C2CD3: variants seen among roughly 807,000 people sequenced by gnomAD.
The protein encoded by C2CD3 is C2 domain containing 3 centriole elongation regulator, also known as C2 domain-containing protein 3.
C2CD3 carries 148 observed loss-of-function variants against 234.0 expected under a neutral mutation model. That is an observed-to-expected ratio of 0.63 (90% confidence interval 0.55 to 0.72). The LOEUF (loss-of-function observed/expected upper bound fraction) is 0.72. Among genes scored for constraint, C2CD3 ranks in the 30% least tolerant of loss-of-function variants. The probability of loss-of-function intolerance (pLI) is 0.00; values close to 1 mark genes in which losing one functional copy is unlikely to be tolerated. For missense variants in C2CD3, 2,577 were observed against 2,811.5 expected (o/e 0.92, Z 1.89); for synonymous variants, 1,000 against 1,035.4 (o/e 0.97, Z 0.66).
intron 24 of C2CD3, among the ~76,000 whole-genome samples, chr11:74,065,075 A>AGTT (rs1954447149): frequency 1.3e-5 from 2 of 152,228 alleles, no homozygotes; most frequent in Non-Finnish European, 2.9e-5. Flanking sequence ...GATCTAATTA[A>AGTT]ACTAAAGAGC....
chr11:74,098,611 T>C (rs917579148), intron 15 of C2CD3, among the ~76,000 whole-genome samples: 1 of 152,174 alleles, frequency 6.6e-6, no homozygotes, highest in Non-Finnish European at 1.5e-5. Context: ...CTTTGGTGTC[T>C]GACAGATAAG....
intron 3 of C2CD3, among the ~76,000 whole-genome samples, chr11:74,142,785 T>C (rs181814234): frequency 6.6e-6 from 1 of 152,250 alleles, no homozygotes; most frequent in Non-Finnish European, 1.5e-5. Context: ...CAAGAGACCA[T>C]CTACTTTAAC....
intron 24 of C2CD3, among the ~76,000 whole-genome samples, chr11:74,061,045 A>T (rs1095419): frequency 0.046 from 6,986 of 152,248 alleles, 468 homozygotes; most frequent in African/African-American, 0.15. Flanking sequence ...GATCAAATGA[A>T]TGAAATGAAG....
At chr11:74,134,002 T>A (rs1250660515) in intron 5 of C2CD3, among the ~76,000 whole-genome samples, 1 of 152,194 alleles carries the variant, frequency 6.6e-6, no homozygotes, top group Non-Finnish European at 1.5e-5. Context: ...AAAACCTGAC[T>A]TTTCCGACTT....
At chr11:74,157,778 G>GC (rs1856134392) in intron 3 of C2CD3, among the ~76,000 whole-genome samples, 1 of 152,030 alleles carries the variant, frequency 6.6e-6, no homozygotes, top group South Asian at 2.1e-4. Flanking sequence ...CTCCCAATGA[G>GC]CCCCCCACAG....
rs139793513 is a variant in C2CD3 at position 74,050,121 on chromosome 11, A to T, written c.5156-579T>A. Among the ~76,000 whole-genome samples, 206 of 152,292 alleles carry T rather than the reference A, an allele frequency of 1.4e-3. 1 individual carries two copies. The highest frequency in any genetic ancestry group is 4.7e-3 in the African/African-American group (195 of 41,548). On this transcript the variant is annotated intron_variant, in intron 26 of 32. Transcript: ENST00000334126. ...GCAATTAGAAAATAACACTAAATTT[A>T]AGAACTTATTTTTCCTAGGCTATCA...
intron 5 of C2CD3, among the ~76,000 whole-genome samples, chr11:74,133,798 C>T (rs972008016): frequency 6.6e-6 from 1 of 152,074 alleles, no homozygotes; most frequent in Non-Finnish European, 1.5e-5. Flanking sequence ...GTCTCCATTC[C>T]GGAGACTCAC....
chr11:74,170,313 C>T (rs909380543), intron 1 of C2CD3, among the ~76,000 whole-genome samples: 2 of 152,084 alleles, frequency 1.3e-5, no homozygotes, highest in Non-Finnish European at 2.9e-5. Context: ...CTGCTTTGTA[C>T]TAATCCTTGG....
intron 30 of C2CD3, 128 bp from the exon 31 acceptor site, chr11:74,034,406 T>C: frequency 6.7e-7 from 1 of 1,501,072 alleles, no homozygotes; most frequent in Non-Finnish European, 8.9e-7. Context: ...AGAAAATTAG[T>C]CCACCCAAGA....
intron 11 of C2CD3, 87 bp downstream of exon 11, chr11:74,113,693 A>G (rs1371089713): frequency 2.4e-6 from 2 of 850,904 alleles, no homozygotes; most frequent in Non-Finnish European, 3.9e-6. Context: ...AAAAAAAAAA[A>G]AAAAAAAGTC....
chr11:74,034,129 C>G lies in C2CD3; in HGVS notation c.6031G>C (p.Ala2011Pro), dbSNP rs1475815701. The G allele has an allele frequency of 6.5e-7, 1 of 1,536,230 alleles. No individual in the cohort carries two copies. Residue 2011 changes from alanine to proline, a missense_variant, in exon 31 of 33, where the codon GCT becomes CCT. By Grantham distance (27) the Ala-to-Pro change is conservative. Coordinates refer to ENST00000334126, the MANE Select transcript of C2CD3 (RefSeq NM_001286577.2). ...CTMPDEPLVR[A>P]PDKGTDSPSP... Reference sequence around the variant, plus strand: ...GGGGAATCTGTGCCTTTATCTGGAGCTCTTACCAATGGCTCATCTGGCATT... The same window carrying G: ...GGGGAATCTGTGCCTTTATCTGGAGGTCTTACCAATGGCTCATCTGGCATT...
intron 13 of C2CD3, 62 bp downstream of exon 13, chr11:74,106,309 G>A: frequency 1.3e-6 from 2 of 1,564,614 alleles, no homozygotes; most frequent in Non-Finnish European, 1.8e-6. Context: ...TATATCCTCA[G>A]TGCCAGCCAA....
At chr11:74,091,010 C>A in intron 19 of C2CD3, 74 bp from the exon 20 acceptor site, 1 of 1,539,070 alleles carries the variant, frequency 6.5e-7, no homozygotes, top group South Asian at 1.2e-5. Flanking sequence ...AAGTTTTGGT[C>A]AGGAAGGATG....
chr11:74,052,695 T>C (rs188254341), intron 26 of C2CD3, among the ~76,000 whole-genome samples: 3 of 152,230 alleles, frequency 2.0e-5, no homozygotes, highest in African/African-American at 7.2e-5. Context: ...ATTTATGAGG[T>C]TGGGTAGCAG....
In C2CD3 at chr11:74,114,564, T is replaced by A; in HGVS notation, c.1550A>T (p.Glu517Val). Residue 517 changes from glutamate (E) to valine (V), a missense_variant, in exon 10 of 33, where the codon GAA (glutamate) becomes GTA (valine). Physicochemically the swap from Glu to Val is moderately radical, Grantham distance 121 (BLOSUM62 -2). Transcript: ENST00000334126. Reference sequence around the variant, plus strand: ...CATCGTTTGGGCATCTTCTGGAGTTTCTGAGAGCATCTGTTGTTCAACCAA... The same window carrying A: ...CATCGTTTGGGCATCTTCTGGAGTTACTGAGAGCATCTGTTGTTCAACCAA... ...RNLVEQQMLS[E>V]TPEDAQTMTL... 1 of 1,614,046 alleles carries A rather than the reference T, an allele frequency of 6.2e-7. No individual in the cohort carries two copies. The highest frequency in any genetic ancestry group is 8.5e-7 in the Non-Finnish European group (1 of 1,179,938).
At chr11:74,159,905 ATATCTTT>A (rs1045742291) in intron 3 of C2CD3, among the ~76,000 whole-genome samples, 33 of 152,054 alleles carry the variant, frequency 2.2e-4, no homozygotes, top group Non-Finnish European at 4.6e-4. Context: ...ATATAGGTAT[ATATCTTT>A]TATCTTTTAT....
At chr11:74,017,229 G>C (rs1440695075) in intron 32 of C2CD3, among the ~76,000 whole-genome samples, 1 of 152,158 alleles carries the variant, frequency 6.6e-6, no homozygotes, top group Non-Finnish European at 1.5e-5. Context: ...TGATCTGTAA[G>C]GGCCTTCCCA....
intron 26 of C2CD3, among the ~76,000 whole-genome samples, chr11:74,051,301 G>GAAA (rs796249357): frequency 1.6e-5 from 2 of 128,350 alleles, no homozygotes; most frequent in African/African-American, 5.7e-5. Flanking sequence ...TCTCAAAAAA[G>GAAA]AAAAAAAAAA....
At chr11:74,060,979 G>C (rs189934042) in intron 24 of C2CD3, among the ~76,000 whole-genome samples, 2 of 152,316 alleles carry the variant, frequency 1.3e-5, no homozygotes, top group Non-Finnish European at 2.9e-5. Context: ...TGTGATGTGT[G>C]CACAACCTTC....
Sources: allele counts gnomAD v4.1 joint callset (sites outside exome capture counted in the v4.1 genomes callset), GRCh38; gene constraint gnomAD v4.1.1; transcripts MANE v1.5; gene names NCBI Gene and HGNC (gene_info 2026-07-23, HGNC 2026-07-21).